The following GRIA1 variants were observed in gnomAD, a reference collection of about 807,000 sequenced individuals.
GRIA1 encodes the protein glutamate ionotropic receptor AMPA type subunit 1.
Under a neutral mutation model 99.2 loss-of-function variants are expected in GRIA1, and 31 were observed. The ratio of observed to expected loss-of-function variants is 0.31; its 90% confidence interval spans 0.23 to 0.42. The LOEUF is 0.42. Among genes scored for constraint, GRIA1 ranks in the 10% least tolerant of loss-of-function variants. GRIA1 has a pLI of 1.00. For synonymous variants in GRIA1, 438 were observed against 432.4 expected, an observed-to-expected ratio of 1.01 and a Z score of -0.16; for missense variants, 782 against 1,157.5, an observed-to-expected ratio of 0.68 and a Z score of 4.71.
chr5:153,595,550 G>C (rs922299532), intron 2 of GRIA1, among the ~76,000 whole-genome samples: 1 of 151,860 alleles, frequency 6.6e-6, no homozygotes, highest in Non-Finnish European at 1.5e-5. Context: ...TATTCTGACT[G>C]GGAAATTTGT....
At chr5:153,582,727 A>G (rs1317496964) in intron 2 of GRIA1, among the ~76,000 whole-genome samples, 2 of 152,186 alleles carry the variant, frequency 1.3e-5, no homozygotes, top group Admixed American at 1.3e-4. Flanking sequence ...CATAAACCAA[A>G]GTGTACAGCA....
At chr5:153,797,150 G>A (rs781679080) in intron 14 of GRIA1, among the ~76,000 whole-genome samples, 2 of 152,116 alleles carry the variant, frequency 1.3e-5, no homozygotes, top group East Asian at 1.9e-4. Flanking sequence ...TTACCCCCAC[G>A]CCCTAGAGAC....
intron 2 of GRIA1, among the ~76,000 whole-genome samples, chr5:153,631,786 G>A (rs962009318): frequency 1.3e-5 from 2 of 152,140 alleles, no homozygotes; most frequent in Admixed American, 1.3e-4. Flanking sequence ...TTTGAGTAAA[G>A]TTCTGTGAAG....
chr5:153,780,284 G>A (rs1466815958), intron 13 of GRIA1, among the ~76,000 whole-genome samples: 2 of 152,176 alleles, frequency 1.3e-5, no homozygotes, highest in African/African-American at 4.8e-5. Flanking sequence ...TATGGGTTTG[G>A]AAAGCAAATG....
intron 13 of GRIA1, among the ~76,000 whole-genome samples, chr5:153,785,730 G>C (rs548875153): frequency 6.6e-6 from 1 of 152,296 alleles, no homozygotes; most frequent in East Asian, 1.9e-4. Flanking sequence ...TTTAATCCCA[G>C]CTTTTTATCT....
At chr5:153,605,129 G>A (rs1765334129) in intron 2 of GRIA1, among the ~76,000 whole-genome samples, 1 of 151,780 alleles carries the variant, frequency 6.6e-6, no homozygotes, top group Non-Finnish European at 1.5e-5. Flanking sequence ...GGAGGTTGCA[G>A]TGAGCCAAGA....
At chr5:153,506,734 A>G (rs1755545114) in intron 2 of GRIA1, among the ~76,000 whole-genome samples, 1 of 152,174 alleles carries the variant, frequency 6.6e-6, no homozygotes, top group Non-Finnish European at 1.5e-5. Flanking sequence ...CCCGCATGGA[A>G]TTTAGACTCC....
intron 13 of GRIA1, among the ~76,000 whole-genome samples, chr5:153,784,120 A>T (rs1448327489): frequency 2.0e-5 from 3 of 152,172 alleles, no homozygotes; most frequent in Non-Finnish European, 2.9e-5. Flanking sequence ...GGGCAGGAGC[A>T]TGCAATTATT....
At chr5:153,669,424 CT>C (rs1354789141) in intron 5 of GRIA1, among the ~76,000 whole-genome samples, 1 of 152,074 alleles carries the variant, frequency 6.6e-6, no homozygotes, top group African/African-American at 2.4e-5. Context: ...CACCAGTGTG[CT>C]TTAATTTCAG....
At chr5:153,545,655 TA>T (rs1759545845) in intron 2 of GRIA1, among the ~76,000 whole-genome samples, 1 of 152,126 alleles carries the variant, frequency 6.6e-6, no homozygotes, top group East Asian at 1.9e-4. Context: ...ACCTTTTCTG[TA>T]AAAACCCAGA....
At chr5:153,770,800 A>T (rs1001441468) in intron 13 of GRIA1, among the ~76,000 whole-genome samples, 15 of 152,230 alleles carry the variant, frequency 9.9e-5, no homozygotes, top group African/African-American at 3.6e-4. Flanking sequence ...TCTTTGACAG[A>T]AGGTGGTTTA....
At chr5:153,618,389 T>G (rs1766713777) in intron 2 of GRIA1, among the ~76,000 whole-genome samples, 1 of 152,224 alleles carries the variant, frequency 6.6e-6, no homozygotes, top group African/African-American at 2.4e-5. Flanking sequence ...TGCAGGCAAA[T>G]GCATGTTGAC....
chr5:153,752,799 T>C (rs868647570), intron 11 of GRIA1, among the ~76,000 whole-genome samples: 1 of 152,304 alleles, frequency 6.6e-6, no homozygotes. Flanking sequence ...TGAAGAGATT[T>C]TATAGAGGCA....
In GRIA1 at chr5:153,698,056, A is replaced by G; in HGVS notation, c.1147A>G (p.Asn383Asp). The G allele has an allele frequency of 6.3e-7, 1 of 1,597,208 alleles. No individual in the cohort carries two copies. The highest frequency in any genetic ancestry group is 8.6e-7 in the Non-Finnish European group (1 of 1,164,694). Residue 383 changes from asparagine to aspartate, a missense_variant, in exon 9 of 16, where the codon AAT becomes GAT. By Grantham distance (23) the Asn-to-Asp change is conservative. Coordinates refer to ENST00000285900, the MANE Select transcript of GRIA1 (RefSeq NM_000827.4). Reference sequence around the variant, plus strand: ...TTCTCATTAACAGATTGGTTACTGGAATGAAGATGATAAGTTTGTCCCTGC... The same window carrying G: ...TTCTCATTAACAGATTGGTTACTGGGATGAAGATGATAAGTTTGTCCCTGC... ...HDGIRKIGYW[N>D]EDDKFVPAAT...
chr5:153,628,159 G>A (rs1245071469), intron 2 of GRIA1, among the ~76,000 whole-genome samples: 1 of 152,222 alleles, frequency 6.6e-6, no homozygotes, highest in Non-Finnish European at 1.5e-5. Flanking sequence ...CCCAGCGAAG[G>A]ATGGATTAAT....
intron 2 of GRIA1, among the ~76,000 whole-genome samples, chr5:153,589,936 A>G (rs1763811130): frequency 6.6e-6 from 1 of 152,216 alleles, no homozygotes; most frequent in Non-Finnish European, 1.5e-5. Context: ...ATGTGATTGC[A>G]CAGTACTATA....
At chr5:153,519,866 A>G (rs1756980655) in intron 2 of GRIA1, among the ~76,000 whole-genome samples, 1 of 152,202 alleles carries the variant, frequency 6.6e-6, no homozygotes, top group Non-Finnish European at 1.5e-5. Context: ...AGGCATGTTT[A>G]TATTCTAATA....
At chr5:153,579,588 T>C (rs1244075627) in intron 2 of GRIA1, among the ~76,000 whole-genome samples, 3 of 152,186 alleles carry the variant, frequency 2.0e-5, no homozygotes, top group African/African-American at 7.2e-5. Flanking sequence ...GAATGACACA[T>C]GTTTAGTAAT....
chr5:153,750,180 C>T (rs550293730), intron 11 of GRIA1, among the ~76,000 whole-genome samples: 4 of 152,266 alleles, frequency 2.6e-5, no homozygotes, highest in African/African-American at 9.6e-5. Context: ...ATTTGGCCAG[C>T]ACTAATTACC....
Sources: allele counts gnomAD v4.1 joint callset (sites outside exome capture counted in the v4.1 genomes callset), GRCh38; gene constraint gnomAD v4.1.1; transcripts MANE v1.5; gene names NCBI Gene and HGNC (gene_info 2026-07-23, HGNC 2026-07-21).